The following ST7L variants were observed in gnomAD, a reference collection of about 807,000 sequenced individuals.
The protein encoded by ST7L is suppression of tumorigenicity 7 like.
In ST7L, 57 loss-of-function variants were observed where a neutral mutation model predicts 72.5. That is an observed-to-expected ratio of 0.79 (90% CI 0.64 to 0.98). ST7L has a LOEUF of 0.98. Among genes scored for constraint, ST7L ranks in the 50% least tolerant of loss-of-function variants. The pLI is 0.00. For synonymous variants in ST7L, 221 were observed against 240.9 expected, an observed-to-expected ratio of 0.92 and a Z score of 0.77; for missense variants, 576 against 672.2, an observed-to-expected ratio of 0.86 and a Z score of 1.58.
intron 5 of ST7L, among the ~76,000 whole-genome samples, chr1:112,596,870 C>G (rs915501547): frequency 7.2e-5 from 11 of 152,168 alleles, no homozygotes; most frequent in African/African-American, 2.7e-4. Context: ...CTCCTGACCT[C>G]TGGTGATCCA....
intron 4 of ST7L, among the ~76,000 whole-genome samples, chr1:112,599,002 G>A (rs1666920579): frequency 7.1e-6 from 1 of 140,864 alleles, no homozygotes; most frequent in Non-Finnish European, 1.5e-5. Context: ...GGAGATTGCA[G>A]TGAACCAAGA....
chr1:112,534,821 C>T (rs540114981), intron 14 of ST7L, among the ~76,000 whole-genome samples: 2 of 152,262 alleles, frequency 1.3e-5, no homozygotes, highest in African/African-American at 2.4e-5. Context: ...AACTGCTAAG[C>T]ACTCCATGTG....
At chr1:112,599,059 C>CA (rs761424885) in intron 4 of ST7L, among the ~76,000 whole-genome samples, 168 of 5,142 alleles carry the variant, frequency 0.033, 18 homozygotes, top group East Asian at 0.079. Flanking sequence ...GACTCAGCCT[C>CA]AAAAAAAAAA....
intron 6 of ST7L, among the ~76,000 whole-genome samples, chr1:112,586,694 T>G (rs1428236935): frequency 6.6e-6 from 1 of 152,240 alleles, no homozygotes; most frequent in Non-Finnish European, 1.5e-5. Flanking sequence ...ATATGGATAC[T>G]AATTCAGGAA....
At chr1:112,614,740 C>T (rs937796671) in intron 2 of ST7L, among the ~76,000 whole-genome samples, 20 of 151,788 alleles carry the variant, frequency 1.3e-4, no homozygotes, top group Non-Finnish European at 2.1e-4. Flanking sequence ...TATGCCCAAG[C>T]GTCTGAGACT....
chr1:112,547,561 C>CTTTTTTTTTTTT (rs59755766), intron 13 of ST7L, among the ~76,000 whole-genome samples: 6 of 62,028 alleles, frequency 9.7e-5, no homozygotes, highest in East Asian at 6.4e-4. Flanking sequence ...TCTTTGTCAT[C>CTTTTTTTTTTTT]TTTTTTTTTT....
intron 11 of ST7L, 113 bp downstream of exon 11, chr1:112,576,873 G>T: frequency 2.9e-6 from 2 of 683,474 alleles, no homozygotes; most frequent in Non-Finnish European, 2.4e-6. Flanking sequence ...TCAAAATATA[G>T]CAGATTAAAA....
downstream of ST7L, chr1:112,521,133 C>T (rs1045122836): frequency 6.5e-6 from 1 of 153,182 alleles, no homozygotes; most frequent in Non-Finnish European, 1.5e-5. Flanking sequence ...CATTCATTCT[C>T]TCTTTTTCTC....
chr1:112,574,069 C>A lies in ST7L; in HGVS notation c.1245+2917G>T, dbSNP rs191281546. Among the ~76,000 whole-genome samples, 556 of 149,262 alleles carry A rather than the reference C, an allele frequency of 3.7e-3. 4 individuals carry two copies. The highest frequency in any genetic ancestry group is 6.2e-3 in the Admixed American group (93 of 15,034). ...AGCTGGGACTACAGGCGCACCCCAC[C>A]ACACCCGGTTAATTTTTTTGTATTT... is the stretch of plus-strand genomic sequence containing the variant. On this transcript the variant is annotated intron_variant, in intron 11 of 14. Transcript: ENST00000358039.
intron 10 of ST7L, among the ~76,000 whole-genome samples, chr1:112,578,023 T>TTAG (rs67350030): frequency 0.063 from 9,661 of 152,176 alleles, 747 homozygotes; most frequent in African/African-American, 0.18. Context: ...AGATATTGCT[T>TTAG]TAGGCACTTA....
At chr1:112,540,813 T>C in intron 14 of ST7L, 2 of 1,288,814 alleles carry the variant, frequency 1.6e-6, no homozygotes, top group Non-Finnish European at 2.0e-6. Flanking sequence ...GTTCTCAGTG[T>C]TTTCATTTTT....
chr1:112,519,813 A>T (rs1652756452), downstream of ST7L, among the ~76,000 whole-genome samples: 2 of 151,412 alleles, frequency 1.3e-5, no homozygotes, highest in Admixed American at 6.6e-5. Flanking sequence ...AAATCACACA[A>T]CTAAGAGTGG....
chr1:112,600,031 C>G (rs1406654549), intron 4 of ST7L, among the ~76,000 whole-genome samples: 2 of 152,050 alleles, frequency 1.3e-5, no homozygotes, highest in African/African-American at 4.8e-5. Flanking sequence ...ATAGCAAGAC[C>G]CCTGTCTACC....
chr1:112,519,872 C>CTTCTTTTTTT (rs10634267), downstream of ST7L, among the ~76,000 whole-genome samples: 210 of 115,604 alleles, frequency 1.8e-3, 3 homozygotes, highest in East Asian at 5.3e-3. Flanking sequence ...GCCCATGCTT[C>CTTCTTTTTTT]TTTTTTTTTT....
chr1:112,538,546 T>A (rs927371141), intron 14 of ST7L, among the ~76,000 whole-genome samples: 1 of 152,168 alleles, frequency 6.6e-6, no homozygotes, highest in African/African-American at 2.4e-5. Flanking sequence ...GGTTTCACCA[T>A]GTTACCCGGG....
chr1:112,573,809 G>A (rs529658793), intron 11 of ST7L, among the ~76,000 whole-genome samples: 16 of 151,166 alleles, frequency 1.1e-4, no homozygotes, highest in Non-Finnish European at 1.8e-4. Flanking sequence ...CGGGCAGATC[G>A]CTTGAGCCCA....
At chr1:112,614,710 G>C (rs1175763990) in intron 2 of ST7L, among the ~76,000 whole-genome samples, 1 of 152,050 alleles carries the variant, frequency 6.6e-6, no homozygotes, top group African/African-American at 2.4e-5. Flanking sequence ...ACTTTGGGAG[G>C]CCGAGGAGAA....
intron 14 of ST7L, among the ~76,000 whole-genome samples, chr1:112,533,139 G>T (rs1411975232): frequency 6.6e-6 from 1 of 151,974 alleles, no homozygotes; most frequent in African/African-American, 2.4e-5. Context: ...TACAAACCAG[G>T]GCTTACTGTT....
At chr1:112,548,865 C>T (rs10857963) in intron 13 of ST7L, among the ~76,000 whole-genome samples, 75,347 of 152,062 alleles carry the variant, frequency 0.5, 19,025 homozygotes, top group East Asian at 0.64. Context: ...TGAAACACTA[C>T]CAGCAATCAT....
Sources: gnomAD v4.1 joint callset for allele counts (sites outside exome capture counted in the v4.1 genomes callset) on GRCh38, gnomAD v4.1.1 for gene constraint, MANE v1.5 for transcripts, NCBI Gene and HGNC (gene_info 2026-07-23, HGNC 2026-07-21) for gene names.